Variants in DCBLD2 observed in about 807,000 individuals in gnomAD.
DCBLD2 encodes the protein discoidin, CUB and LCCL domain containing 2, also known as discoidin, CUB and LCCL domain-containing protein 2.
DCBLD2 carries 54 observed loss-of-function variants against 86.8 expected under a neutral mutation model. That is an observed-to-expected ratio of 0.62 (90% CI 0.50 to 0.78). The LOEUF (loss-of-function observed/expected upper bound fraction) is 0.78. DCBLD2 is among the 30% of genes least tolerant of loss of function. The probability of loss-of-function intolerance (pLI) is 0.00; values close to 1 mark genes in which losing one functional copy is unlikely to be tolerated. For missense variants in DCBLD2, 908 were observed against 954.2 expected, an observed-to-expected ratio of 0.95 and a Z score of 0.64; for synonymous variants, 354 against 341.3, an observed-to-expected ratio of 1.04 and a Z score of -0.41.
intron 13 of DCBLD2, among the ~76,000 whole-genome samples, chr3:98,805,320 C>T (rs1045142853): frequency 1.3e-5 from 2 of 152,036 alleles, no homozygotes; most frequent in Admixed American, 6.6e-5. Flanking sequence ...ACTGATTAAA[C>T]ACCTTTCTCC....
At chr3:98,838,171 G>C (rs1364104442) in intron 3 of DCBLD2, among the ~76,000 whole-genome samples, 1 of 123,488 alleles carries the variant, frequency 8.1e-6, no homozygotes, top group Non-Finnish European at 1.8e-5. Context: ...CCTCCCGGAC[G>C]GGGTGGCTGC....
chr3:98,820,846 T>C lies in DCBLD2; in HGVS notation c.831-558A>G, dbSNP rs537550931. 2.0e-5 allele frequency: 3 copies of C among 150,250 alleles called. No homozygotes were observed. In the South Asian group the frequency reaches 6.3e-4, roughly 32 times the overall value. The allele number at this position is 150,250 out of a possible 1,614,324, so 9.3% of individuals were successfully genotyped here. On this transcript the variant is annotated intron_variant, in intron 6 of 15. Coordinates refer to ENST00000326840, the MANE Select transcript of DCBLD2 (RefSeq NM_080927.4). ...GTACACTCCTGCCTTTAGTCCAACATACAAACCATTACAAGAGGATGCAAT... is the reference window on the plus strand; with the variant it reads ...GTACACTCCTGCCTTTAGTCCAACACACAAACCATTACAAGAGGATGCAAT...
intron 2 of DCBLD2, among the ~76,000 whole-genome samples, chr3:98,866,790 G>A (rs1943155284): frequency 2.6e-5 from 4 of 152,180 alleles, no homozygotes; most frequent in Non-Finnish European, 5.9e-5. Flanking sequence ...CCATGCCTAT[G>A]TCCTGAATGG....
chr3:98,889,849 T>G (rs1335508147), intron 1 of DCBLD2, among the ~76,000 whole-genome samples: 1 of 152,050 alleles, frequency 6.6e-6, no homozygotes, highest in African/African-American at 2.4e-5. Context: ...AATTATAACC[T>G]GTAATTGTAG....
intron 13 of DCBLD2, among the ~76,000 whole-genome samples, chr3:98,806,523 A>C (rs1455850704): frequency 6.6e-6 from 1 of 152,034 alleles, no homozygotes; most frequent in East Asian, 1.9e-4. Context: ...CTGTTCATGA[A>C]GCTGGGATCC....
chr3:98,867,287 T>G lies in DCBLD2; in HGVS notation c.433+14253A>C, dbSNP rs113256778. 6.1e-3 allele frequency among the ~76,000 whole-genome samples: 933 copies of G among 152,340 alleles called. 8 individuals are homozygous for G. The highest frequency in any genetic ancestry group is 0.021 in the African/African-American group (878 of 41,580). On this transcript the variant is annotated intron_variant, in intron 2 of 15. Transcript: ENST00000326840. ...ATGGGGATGGCATTGAATCTATAAA[T>G]TACCTTGGGCAGTATAGCCATTTTC...
intron 1 of DCBLD2, among the ~76,000 whole-genome samples, chr3:98,882,275 CAT>C (rs1943484675): frequency 6.6e-6 from 1 of 152,106 alleles, no homozygotes; most frequent in Non-Finnish European, 1.5e-5. Context: ...ATTAAATATA[CAT>C]ATACATGTTA....
chr3:98,844,162 A>T (rs923098046), intron 3 of DCBLD2, among the ~76,000 whole-genome samples: 4 of 152,028 alleles, frequency 2.6e-5, no homozygotes, highest in African/African-American at 9.7e-5. Context: ...TTATAACTAC[A>T]ACTTAAAAAA....
chr3:98,881,857 C>A, intron 1 of DCBLD2, 90 bp from the exon 2 acceptor site: 4 of 1,253,160 alleles, frequency 3.2e-6, no homozygotes, highest in Non-Finnish European at 4.5e-6. Context: ...AAAATATGCA[C>A]GACATCAAAT....
chr3:98,808,893 CG>C (rs1941886221), intron 12 of DCBLD2, among the ~76,000 whole-genome samples: 1 of 152,022 alleles, frequency 6.6e-6, no homozygotes, highest in African/African-American at 2.4e-5. Flanking sequence ...CCTGTTTCTG[CG>C]TAAGAGTGAA....
intron 1 of DCBLD2, among the ~76,000 whole-genome samples, chr3:98,885,655 C>A (rs1943548614): frequency 6.6e-6 from 1 of 151,632 alleles, no homozygotes; most frequent in Non-Finnish European, 1.5e-5. Flanking sequence ...TTTTACAGTT[C>A]TTAAAAGTAA....
In DCBLD2 at chr3:98,796,881, AAACTT is replaced by A. The variant is rs1416027039; in HGVS notation, c.*2486_*2490del. ...TTTCTATAATTGCATTAACAGGAAA[AAACTT>A]AATCCAATATACCAGTGACTTTGAG... is the stretch of plus-strand genomic sequence containing the variant. On this transcript the variant is annotated 3_prime_UTR_variant, in exon 16 of 16. Coordinates refer to ENST00000326840, the MANE Select transcript of DCBLD2 (RefSeq NM_080927.4). 1.3e-5 allele frequency: 2 copies of A among 152,622 alleles called. No homozygotes were observed. The highest frequency in any genetic ancestry group is 2.4e-5 in the African/African-American group (1 of 41,454). 9.5% of individuals were successfully genotyped at this position (152,622 alleles called of 1,614,324 possible).
At chr3:98,821,651 T>A (rs547141061) in intron 6 of DCBLD2, among the ~76,000 whole-genome samples, 2 of 152,288 alleles carry the variant, frequency 1.3e-5, no homozygotes, top group African/African-American at 4.8e-5. Context: ...GACTTTTTTT[T>A]AACACTTAGA....
chr3:98,801,226 T>C (rs1475170990), intron 14 of DCBLD2: 1 of 250,836 alleles, frequency 4.0e-6, no homozygotes, highest in African/African-American at 2.2e-5. Context: ...ACTTGGTGAA[T>C]AACCATGGCA....
intron 2 of DCBLD2, among the ~76,000 whole-genome samples, chr3:98,865,253 T>C (rs969500710): frequency 6.6e-6 from 1 of 151,904 alleles, no homozygotes; most frequent in Non-Finnish European, 1.5e-5. Flanking sequence ...AAATGTGGTA[T>C]ATGAACACAA....
At chr3:98,829,209 T>C (rs1942278348) in intron 3 of DCBLD2, among the ~76,000 whole-genome samples, 1 of 152,214 alleles carries the variant, frequency 6.6e-6, no homozygotes, top group Non-Finnish European at 1.5e-5. Flanking sequence ...GTTTGTTACA[T>C]AGGTATACTG....
intron 1 of DCBLD2, among the ~76,000 whole-genome samples, chr3:98,884,506 TCTA>T (rs1363252795): frequency 6.6e-6 from 1 of 151,606 alleles, no homozygotes; most frequent in Non-Finnish European, 1.5e-5. Context: ...TATAAAAAAA[TCTA>T]CTGTGAAAAT....
At chr3:98,888,654 C>T (rs1451670752) in intron 1 of DCBLD2, among the ~76,000 whole-genome samples, 1 of 151,934 alleles carries the variant, frequency 6.6e-6, no homozygotes, top group Non-Finnish European at 1.5e-5. Context: ...CAGCTTTTGC[C>T]CATTGTTTAT....
intron 1 of DCBLD2, among the ~76,000 whole-genome samples, chr3:98,885,981 T>G (rs767236480): frequency 5.5e-4 from 84 of 151,734 alleles, no homozygotes; most frequent in Non-Finnish European, 1.0e-3. Context: ...TGATCAACCT[T>G]AAAAGTGAAT....
Sources: gnomAD v4.1 joint callset for allele counts (sites outside exome capture counted in the v4.1 genomes callset) on GRCh38, gnomAD v4.1.1 for gene constraint, MANE v1.5 for transcripts, NCBI Gene and HGNC (gene_info 2026-07-23, HGNC 2026-07-21) for gene names.